The following PCBP3 variants were observed in gnomAD, a reference collection of about 807,000 sequenced individuals.
PCBP3 encodes the protein poly(rC)-binding protein 3.
A neutral mutation model predicts 52.7 loss-of-function variants in PCBP3; 25 were observed. The observed-to-expected ratio is 0.47, with a 90% CI of 0.35 to 0.66. PCBP3 has a LOEUF of 0.66. PCBP3 is among the 30% of genes least tolerant of loss of function. The probability of loss-of-function intolerance (pLI) is 0.01; values close to 1 mark genes in which losing one functional copy is unlikely to be tolerated. For synonymous variants in PCBP3, 162 were observed against 183.0 expected (o/e 0.89, Z 0.93); for missense variants, 391 against 490.3 (o/e 0.80, Z 1.91).
intron 3 of PCBP3, among the ~76,000 whole-genome samples, chr21:45,754,023 T>C (rs1238698634): frequency 2.0e-5 from 3 of 152,238 alleles, no homozygotes; most frequent in Non-Finnish European, 4.4e-5. Context: ...TATTTTTAAC[T>C]GAAACTTTCT....
chr21:45,721,078 C>T (rs1275798748), intron 2 of PCBP3, among the ~76,000 whole-genome samples: 2 of 152,214 alleles, frequency 1.3e-5, no homozygotes, highest in African/African-American at 2.4e-5. Flanking sequence ...CCTCAAGTTG[C>T]GGAAGCAGCT....
Position 45,931,990 on chromosome 21 carries a change from T to A in PCBP3, c.856+1145T>A, listed in dbSNP as rs113525255. On this transcript the variant is annotated intron_variant, in intron 15 of 17. Coordinates refer to ENST00000681687, the MANE Select transcript of PCBP3 (RefSeq NM_001384156.1). ...AGATGAACGAACACCTGGGCCATGC[T>A]GTCCCGAGATGAATGAACATGTCGG... Among the ~76,000 whole-genome samples the A allele has an allele frequency of 5.0e-3, 710 of 141,004 alleles. 6 individuals carry two copies. Among genetic ancestry groups the A allele is most frequent in the Middle Eastern group, 0.018 (4 of 226 alleles). 92.5% of individuals were successfully genotyped at this position (141,004 alleles called of 152,430 possible).
intron 2 of PCBP3, among the ~76,000 whole-genome samples, chr21:45,728,079 GT>G (rs780173236): frequency 1.1e-4 from 17 of 152,126 alleles, no homozygotes; most frequent in Non-Finnish European, 2.5e-4. Flanking sequence ...TCAGCTTTTG[GT>G]TGGGGTTGCA....
In PCBP3 at chr21:45,910,905, A is replaced by G; in HGVS notation, c.475A>G (p.Thr159Ala). 1 of 1,605,300 alleles carries G rather than the reference A, an allele frequency of 6.2e-7. No individual in the cohort carries two copies. Residue 159 changes from threonine to alanine, a missense_variant, in exon 11 of 18, where the codon ACA becomes GCA. By Grantham distance (58) the Thr-to-Ala change is moderately conservative. Coordinates refer to ENST00000681687, the MANE Select transcript of PCBP3 (RefSeq NM_001384156.1). ...TTCCAATGTCCCCTCTCTCCAGTCC[A>G]CAGGTGCCCAGGTGCAGGTGGCTGG... ...GSKIKEIRES[T>A]GAQVQVAGDM...
intron 3 of PCBP3, among the ~76,000 whole-genome samples, chr21:45,742,926 A>G (rs996625890): frequency 3.3e-5 from 5 of 152,226 alleles, no homozygotes; most frequent in African/African-American, 9.6e-5. Context: ...AATGAACTTT[A>G]GAATGATTTT....
At position 45,923,768 on chromosome 21, in the gene PCBP3, G is replaced by A. The variant is rs144151325; in HGVS notation, c.717+6139G>A. Reference sequence around the variant, plus strand: ...ATAAACAAATAATACAAATAAACTCGACCTGGAACAGTTGAGTGGATAGAA... The same window carrying A: ...ATAAACAAATAATACAAATAAACTCAACCTGGAACAGTTGAGTGGATAGAA... On this transcript the variant is annotated intron_variant, in intron 13 of 17. Coordinates refer to ENST00000681687, the MANE Select transcript of PCBP3 (RefSeq NM_001384156.1). 9.2e-4 allele frequency among the ~76,000 whole-genome samples: 140 copies of A among 152,102 alleles called. 1 individual carries two copies. The highest frequency in any genetic ancestry group is 3.0e-3 in the African/African-American group (124 of 41,390).
At chr21:45,648,546 CCAGGTATG>C (rs1277929624) in intron 1 of PCBP3, among the ~76,000 whole-genome samples, 1 of 152,180 alleles carries the variant, frequency 6.6e-6, no homozygotes, top group Admixed American at 6.5e-5. Flanking sequence ...AAAGAGTAGA[CCAGGTATG>C]CACTTACCAC....
intron 4 of PCBP3, among the ~76,000 whole-genome samples, chr21:45,795,780 A>G (rs1408149900): frequency 6.6e-6 from 1 of 152,164 alleles, no homozygotes; most frequent in Non-Finnish European, 1.5e-5. Flanking sequence ...GCTTGGTGCA[A>G]TAAATTCTGA....
At chr21:45,789,272 T>C (rs1267902591) in intron 4 of PCBP3, among the ~76,000 whole-genome samples, 4 of 152,216 alleles carry the variant, frequency 2.6e-5, no homozygotes, top group African/African-American at 9.6e-5. Flanking sequence ...TGCATGTATG[T>C]GTGTGATTGT....
At chr21:45,923,177 C>T (rs1000812224) in intron 13 of PCBP3, among the ~76,000 whole-genome samples, 1 of 152,204 alleles carries the variant, frequency 6.6e-6, no homozygotes, top group Non-Finnish European at 1.5e-5. Context: ...GCTTTCTCCT[C>T]CCACTTGTTC....
At chr21:45,843,539 C>T (rs930786771) in intron 4 of PCBP3, among the ~76,000 whole-genome samples, 1 of 152,152 alleles carries the variant, frequency 6.6e-6, no homozygotes, top group African/African-American at 2.4e-5. Flanking sequence ...AAGCTATAAA[C>T]TTTACTGTGA....
chr21:45,868,284 G>A (rs1275814649), intron 5 of PCBP3, among the ~76,000 whole-genome samples: 2 of 152,218 alleles, frequency 1.3e-5, no homozygotes, highest in Non-Finnish European at 2.9e-5. Flanking sequence ...GGCTTCCTCT[G>A]TCTGCGCGGT....
At chr21:45,807,874 G>A (rs113188113) in intron 4 of PCBP3, among the ~76,000 whole-genome samples, 5,893 of 152,070 alleles carry the variant, frequency 0.039, 380 homozygotes, top group African/African-American at 0.13. Context: ...ACAGAACAGA[G>A]GCCTCCGATA....
chr21:45,886,172 G>A lies in PCBP3; in HGVS notation c.11-10036G>A, dbSNP rs933398146. ...GAGGTGTGGAGGAGGCCTCGTTGCC[G>A]CGGGTGCCAAGGGCAGAGGACGTGG... On this transcript the variant is annotated intron_variant, in intron 5 of 17. Transcript: ENST00000681687. 6.6e-5 allele frequency among the ~76,000 whole-genome samples: 9 copies of A among 135,596 alleles called. 1 individual carries two copies. The highest frequency in any genetic ancestry group is 2.9e-4 in the South Asian group (1 of 3,504). The allele number at this position is 135,596 out of a possible 152,430, so 89.0% of individuals were successfully genotyped here. A position where few individuals can be genotyped will look rare whatever the true frequency, so the allele number is the denominator to read the frequency against.
rs60832189 is a variant in PCBP3 at position 45,886,395 on chromosome 21, T to C, written c.11-9813T>C. Among the ~76,000 whole-genome samples, 8 of 106,468 alleles carry C rather than the reference T, an allele frequency of 7.5e-5. No homozygotes were observed. In the South Asian group the frequency reaches 2.0e-3, roughly 26 times the overall value. The allele number at this position is 106,468 out of a possible 152,430, so 69.8% of individuals were successfully genotyped here. ...TGCCGCGGGTGCCAAGGGCAGAGGA[T>C]GTGGTGAGGTGTGGAGGCCTCATTG... On this transcript the variant is annotated intron_variant, in intron 5 of 17. Transcript: ENST00000681687.
chr21:45,703,986 G>C (rs2083289050), intron 2 of PCBP3, among the ~76,000 whole-genome samples: 1 of 152,182 alleles, frequency 6.6e-6, no homozygotes, highest in South Asian at 2.1e-4. Context: ...CCAGGACATG[G>C]AGATGGAGGT....
At chr21:45,714,533 A>G (rs2084082058) in intron 2 of PCBP3, among the ~76,000 whole-genome samples, 1 of 152,240 alleles carries the variant, frequency 6.6e-6, no homozygotes, top group Non-Finnish European at 1.5e-5. Context: ...ATAAGATTAT[A>G]CATTTGAAAA....
At chr21:45,675,533 ATGGTGGTTCT>A (rs747744612) in intron 2 of PCBP3, among the ~76,000 whole-genome samples, 7 of 152,348 alleles carry the variant, frequency 4.6e-5, no homozygotes, top group Non-Finnish European at 1.0e-4. Flanking sequence ...ATGAGCAATC[ATGGTGGTTCT>A]TACTCCTGGT....
intron 13 of PCBP3, among the ~76,000 whole-genome samples, chr21:45,925,588 T>G (rs1295142070): frequency 6.6e-6 from 1 of 152,090 alleles, no homozygotes; most frequent in Non-Finnish European, 1.5e-5. Flanking sequence ...TTTTTTTTCT[T>G]TCAAGAGACA....
Sources: gnomAD v4.1 joint callset for allele counts (sites outside exome capture counted in the v4.1 genomes callset) on GRCh38, gnomAD v4.1.1 for gene constraint, MANE v1.5 for transcripts, NCBI Gene and HGNC (gene_info 2026-07-23, HGNC 2026-07-21) for gene names.